BICRAL: variants seen among roughly 807,000 people sequenced by gnomAD.
The protein encoded by BICRAL is BRD4-interacting chromatin-remodeling complex-associated protein-like.
In BICRAL, 8 loss-of-function variants were observed where a neutral mutation model predicts 91.8. That is an observed-to-expected ratio of 0.09 (90% confidence interval 0.05 to 0.16). The LOEUF is 0.16. BICRAL is among the 10% of genes least tolerant of loss of function. BICRAL has a pLI of 1.00. For synonymous variants in BICRAL, 445 were observed against 491.1 expected, an observed-to-expected ratio of 0.91 and a Z score of 1.24; for missense variants, 1,038 against 1,310.9, an observed-to-expected ratio of 0.79 and a Z score of 3.21.
At chr6:42,772,043 T>G (rs1001784923) in intron 1 of BICRAL, among the ~76,000 whole-genome samples, 1 of 152,016 alleles carries the variant, frequency 6.6e-6, no homozygotes, top group Non-Finnish European at 1.5e-5. Flanking sequence ...CAGTGGGTAA[T>G]AGAGGCGTGT....
At chr6:42,802,397 C>T (rs536293423) in intron 1 of BICRAL, among the ~76,000 whole-genome samples, 1 of 148,192 alleles carries the variant, frequency 6.7e-6, no homozygotes, top group East Asian at 2.0e-4. Context: ...GTAAGACTTA[C>T]TTTTGGCTCT....
chr6:42,801,133 T>TC (rs1225542678), intron 1 of BICRAL, among the ~76,000 whole-genome samples: 1 of 151,016 alleles, frequency 6.6e-6, no homozygotes, highest in African/African-American at 2.4e-5. Flanking sequence ...GTGCCTGTAA[T>TC]CCCAGCTACT....
At chr6:42,855,810 C>T in intron 8 of BICRAL, 46 bp from the exon 9 acceptor site, 3 of 1,475,554 alleles carry the variant, frequency 2.0e-6, no homozygotes, top group Non-Finnish European at 1.9e-6. Context: ...TAACTGTATT[C>T]TTTTTTCTAT....
chr6:42,752,912 CTTTT>C (rs57864510), intron 1 of BICRAL, among the ~76,000 whole-genome samples: 1 of 82,224 alleles, frequency 1.2e-5, no homozygotes. Flanking sequence ...CCCCAGCTGA[CTTTT>C]TTTTTTTTTT....
chr6:42,792,123 CAGTG>C (rs1435281098), intron 1 of BICRAL, among the ~76,000 whole-genome samples: 1 of 152,160 alleles, frequency 6.6e-6, no homozygotes, highest in Non-Finnish European at 1.5e-5. Context: ...CTGGGTGAGT[CAGTG>C]AGTGGTGAAA....
intron 1 of BICRAL, among the ~76,000 whole-genome samples, chr6:42,799,940 G>C (rs1205536998): frequency 6.6e-6 from 1 of 151,958 alleles, no homozygotes; most frequent in Admixed American, 6.6e-5. Flanking sequence ...GAGTGCAGTG[G>C]CCCAATCTTG....
intron 1 of BICRAL, among the ~76,000 whole-genome samples, chr6:42,768,290 A>G (rs1762665174): frequency 6.6e-6 from 1 of 152,258 alleles, no homozygotes; most frequent in South Asian, 2.1e-4. Context: ...AGTGAAGTCC[A>G]TTAATAATCA....
At chr6:42,746,360 G>A (rs1403095598), upstream of BICRAL, among the ~76,000 whole-genome samples, 1 of 152,148 alleles carries the variant, frequency 6.6e-6, no homozygotes, top group African/African-American at 2.4e-5. Flanking sequence ...CCGGGATTGT[G>A]GGGTGAGTTG....
At chr6:42,756,885 G>GCT (rs1317096649) in intron 1 of BICRAL, among the ~76,000 whole-genome samples, 2 of 141,666 alleles carry the variant, frequency 1.4e-5, no homozygotes, top group Non-Finnish European at 3.1e-5. Flanking sequence ...TCGCGCGCGC[G>GCT]CTCTCTCTCT....
At chr6:42,814,998 C>T (rs1763950844) in intron 2 of BICRAL, among the ~76,000 whole-genome samples, 2 of 150,940 alleles carry the variant, frequency 1.3e-5, no homozygotes, top group East Asian at 2.0e-4. Flanking sequence ...GCAACTTCCA[C>T]CTCCTGGTTC....
chr6:42,773,535 G>A (rs1163014388), intron 1 of BICRAL, among the ~76,000 whole-genome samples: 1 of 151,896 alleles, frequency 6.6e-6, no homozygotes, highest in Non-Finnish European at 1.5e-5. Flanking sequence ...GTGTGTGTGA[G>A]ACGGAGTCTC....
intron 1 of BICRAL, among the ~76,000 whole-genome samples, chr6:42,762,034 G>C (rs967943839): frequency 6.6e-6 from 1 of 152,154 alleles, no homozygotes; most frequent in African/African-American, 2.4e-5. Context: ...AAAATGCCAG[G>C]TCCTTCTGCC....
At chr6:42,752,839 G>A (rs1430295527) in intron 1 of BICRAL, among the ~76,000 whole-genome samples, 2 of 151,478 alleles carry the variant, frequency 1.3e-5, no homozygotes, top group Non-Finnish European at 2.9e-5. Context: ...CTGACCTTAG[G>A]TGATCCACCT....
intron 11 of BICRAL, among the ~76,000 whole-genome samples, chr6:42,860,730 G>A (rs1046160307): frequency 6.6e-6 from 1 of 152,242 alleles, no homozygotes; most frequent in African/African-American, 2.4e-5. Flanking sequence ...AGAGATGTGG[G>A]AGAAGGACTG....
At chr6:42,834,101 G>A (rs1284754155) in intron 6 of BICRAL, among the ~76,000 whole-genome samples, 1 of 152,226 alleles carries the variant, frequency 6.6e-6, no homozygotes, top group Non-Finnish European at 1.5e-5. Context: ...TGATCTGCCT[G>A]ATTCGGCCTC....
intron 1 of BICRAL, among the ~76,000 whole-genome samples, chr6:42,804,932 C>T (rs1008702294): frequency 3.9e-5 from 6 of 152,180 alleles, no homozygotes; most frequent in Non-Finnish European, 8.8e-5. Flanking sequence ...GAACTCCTGT[C>T]TTCAAGCGAT....
At chr6:42,798,054 C>A (rs1019643247) in intron 1 of BICRAL, among the ~76,000 whole-genome samples, 6 of 152,108 alleles carry the variant, frequency 3.9e-5, no homozygotes, top group Non-Finnish European at 5.9e-5. Context: ...TGGATGGAGG[C>A]AGAGGTCATT....
chr6:42,844,822 G>A (rs1582866670), intron 6 of BICRAL, among the ~76,000 whole-genome samples: 1 of 152,094 alleles, frequency 6.6e-6, no homozygotes, highest in Admixed American at 6.6e-5. Context: ...TGAAAGAAGA[G>A]CTTTTTTCAC....
chr6:42,842,981 G>A (rs1467688771), intron 6 of BICRAL, among the ~76,000 whole-genome samples: 1 of 151,822 alleles, frequency 6.6e-6, no homozygotes, highest in Non-Finnish European at 1.5e-5. Flanking sequence ...AGCCTCCCGA[G>A]TAGCTGGGAC....
Sources: allele counts gnomAD v4.1 joint callset (sites outside exome capture counted in the v4.1 genomes callset), GRCh38; gene constraint gnomAD v4.1.1; transcripts MANE v1.5; gene names NCBI Gene and HGNC (gene_info 2026-07-23, HGNC 2026-07-21).